ADAMTS16: variants seen among roughly 807,000 people sequenced by gnomAD.
ADAMTS16 encodes A disintegrin and metalloproteinase with thrombospondin motifs 16.
ADAMTS16 carries 94 observed loss-of-function variants against 145.8 expected under a neutral mutation model. The ratio of observed to expected loss-of-function variants is 0.64; its 90% confidence interval spans 0.55 to 0.77. The LOEUF (loss-of-function observed/expected upper bound fraction) is 0.77, where lower values mean the gene tolerates loss of function less well. Among genes scored for constraint, ADAMTS16 ranks in the 30% least tolerant of loss-of-function variants. ADAMTS16 has a pLI of 0.00. For synonymous variants in ADAMTS16, 659 were observed against 604.3 expected (o/e 1.09, Z -1.33); for missense variants, 1,585 against 1,591.5 (o/e 1.00, Z 0.07).
At chr5:5,141,156 C>T (rs1252062171) in intron 2 of ADAMTS16, among the ~76,000 whole-genome samples, 2 of 152,194 alleles carry the variant, frequency 1.3e-5, no homozygotes, top group African/African-American at 4.8e-5. Flanking sequence ...CCGTCCCCAA[C>T]CTTTCCTCCT....
intron 18 of ADAMTS16, among the ~76,000 whole-genome samples, chr5:5,291,702 G>T (rs1450627039): frequency 1.6e-5 from 2 of 123,302 alleles, no homozygotes; most frequent in Non-Finnish European, 3.1e-5. Context: ...GGCTGTCCTC[G>T]GGCAGTCAGC....
At chr5:5,192,158 A>G (rs1487468467) in intron 8 of ADAMTS16, among the ~76,000 whole-genome samples, 1 of 152,030 alleles carries the variant, frequency 6.6e-6, no homozygotes, top group Admixed American at 6.6e-5. Flanking sequence ...TAATTTTTGT[A>G]ATTTTTGGAG....
At position 5,182,170 on chromosome 5, in the gene ADAMTS16, G is replaced by A; in HGVS notation, c.628G>A (p.Glu210Lys). Residue 210 changes from glutamate to lysine, a missense_variant, in exon 4 of 23, where the codon GAG (glutamate) becomes AAG (lysine). Transcript: ENST00000274181. ...PSHVLYKRSTEPHAPGASEVL... is the reference protein window; with the variant it reads ...PSHVLYKRSTKPHAPGASEVL... ...CCACGTACTGTACAAGAGATCCACAGAGCCCCATGCTCCTGGGGCCAGTGA... is the reference window on the plus strand; with the variant it reads ...CCACGTACTGTACAAGAGATCCACAAAGCCCCATGCTCCTGGGGCCAGTGA... The A allele has an allele frequency of 6.2e-7, 1 of 1,614,162 alleles. No individual in the cohort carries two copies. The highest frequency in any genetic ancestry group is 8.5e-7 in the Non-Finnish European group (1 of 1,180,032).
chr5:5,293,092 C>T (rs539152385), intron 18 of ADAMTS16, among the ~76,000 whole-genome samples: 1 of 152,350 alleles, frequency 6.6e-6, no homozygotes, highest in African/African-American at 2.4e-5. Flanking sequence ...GGCACCTTGG[C>T]AGGCCATTTC....
At chr5:5,166,254 C>CAA (rs1734876257) in intron 3 of ADAMTS16, among the ~76,000 whole-genome samples, 1 of 151,830 alleles carries the variant, frequency 6.6e-6, no homozygotes. Flanking sequence ...CACACACACA[C>CAA]ACACACACAA....
At chr5:5,156,259 T>TGAGAGAATAACTACCA (rs68056165) in intron 3 of ADAMTS16, among the ~76,000 whole-genome samples, 11,711 of 152,128 alleles carry the variant, frequency 0.077, 667 homozygotes, top group African/African-American at 0.15. Context: ...CCCTAAGTAT[T>TGAGAGAATAACTACCA]GAGAGAATAA....
At chr5:5,189,928 C>G (rs1403853900) in intron 6 of ADAMTS16, 43 bp from the exon 7 acceptor site, 2 of 1,602,880 alleles carry the variant, frequency 1.2e-6, no homozygotes, top group Admixed American at 1.7e-5. Flanking sequence ...AACATGTTTT[C>G]TCTTCATTAT....
At chr5:5,281,929 T>C (rs1738930951) in intron 18 of ADAMTS16, among the ~76,000 whole-genome samples, 1 of 152,216 alleles carries the variant, frequency 6.6e-6, no homozygotes, top group East Asian at 1.9e-4. Context: ...TGAGTGGGTG[T>C]ATACAAAATA....
intron 3 of ADAMTS16, among the ~76,000 whole-genome samples, chr5:5,147,612 A>G (rs1286005420): frequency 6.6e-6 from 1 of 152,206 alleles, no homozygotes; most frequent in Non-Finnish European, 1.5e-5. Context: ...TTGAGTTGCC[A>G]GGGATAGGGT....
rs1738374039 is a variant in ADAMTS16, at chr5:5,269,256, G to T, written c.2789+6473G>T. ...CCCTCCCCTCACCAGCACCTGAGCT[G>T]CCTTGCTTCACCCTCGCTCCCCTAT... On this transcript the variant is annotated intron_variant, in intron 18 of 22. Coordinates refer to ENST00000274181, the MANE Select transcript of ADAMTS16 (RefSeq NM_139056.4). The surrounding 1 kb of genome is among the most constrained non-coding windows in gnomAD (Gnocchi z 4.3). 6.6e-6 allele frequency among the ~76,000 whole-genome samples: 1 copy of T among 152,040 alleles called. No individual in the cohort carries two copies. The highest frequency in any genetic ancestry group is 1.5e-5 in the Non-Finnish European group (1 of 68,024).
At chr5:5,200,389 G>A (rs528839876) in intron 9 of ADAMTS16, 120 bp downstream of exon 9, 2 of 1,328,358 alleles carry the variant, frequency 1.5e-6, no homozygotes, top group Non-Finnish European at 2.1e-6. Flanking sequence ...CCCTTTGAAG[G>A]TGTCTTGAGA....
chr5:5,279,752 A>T (rs578170111), intron 18 of ADAMTS16, among the ~76,000 whole-genome samples: 2 of 150,482 alleles, frequency 1.3e-5, no homozygotes, highest in Non-Finnish European at 3.0e-5. Flanking sequence ...TTTATACCTG[A>T]TTACCCTCCT....
intron 18 of ADAMTS16, among the ~76,000 whole-genome samples, chr5:5,263,192 C>A (rs1738097176): frequency 6.6e-6 from 1 of 152,176 alleles, no homozygotes; most frequent in African/African-American, 2.4e-5. Flanking sequence ...ACCCTGGATT[C>A]CTCAGTGCCT....
At position 5,146,325 on chromosome 5, in the gene ADAMTS16, T is replaced by A. The variant is rs1280623054; in HGVS notation, c.371T>A (p.Ile124Asn). 9 of 1,614,098 alleles carry A rather than the reference T, an allele frequency of 5.6e-6. No individual in the cohort carries two copies. The highest frequency in any genetic ancestry group is 7.6e-6 in the Non-Finnish European group (9 of 1,180,044). ...AGCAGCCTAGTGGCTCCTGGCTTTA[T>A]TGTGCAGACGTTGGGAAAGACAGGC... The part of the protein sequence containing the change: ...TSSSLVAPGF[I>N]VQTLGKTGTK... The change falls in exon 3 of 23, where the codon ATT (isoleucine) becomes AAT (asparagine). Residue 124 changes from isoleucine (I) to asparagine (N), a missense_variant. Ile to Asn is a moderately radical substitution (Grantham distance 149, BLOSUM62 -3). Coordinates refer to ENST00000274181, the MANE Select transcript of ADAMTS16 (RefSeq NM_139056.4).
chr5:5,146,474 C>A lies in ADAMTS16; in HGVS notation c.501+19C>A, dbSNP rs1459922939. On this transcript the variant is annotated intron_variant, in intron 3 of 22. Coordinates refer to ENST00000274181, the MANE Select transcript of ADAMTS16 (RefSeq NM_139056.4). ...AGGCTTGGTGAGTACAGCGCAAGCC[C>A]CAGGTAGGGAGGCGAGGTTGGTGAT... is the stretch of plus-strand genomic sequence containing the variant. 1.3e-6 allele frequency: 2 copies of A among 1,576,830 alleles called. No individual in the cohort carries two copies. Among genetic ancestry groups the A allele is most frequent in the Non-Finnish European group, 1.7e-6 (2 of 1,164,522 alleles).
intron 15 of ADAMTS16, 59 bp downstream of exon 15, chr5:5,239,333 T>C (rs532227290): frequency 6.7e-7 from 1 of 1,503,686 alleles, no homozygotes; most frequent in Admixed American, 2.4e-5. Flanking sequence ...CTGGGGCTTC[T>C]TAGCAGAGCT....
At chr5:5,239,532 T>C in intron 15 of ADAMTS16, 149 bp from the exon 16 acceptor site, 1 of 1,277,306 alleles carries the variant, frequency 7.8e-7, no homozygotes. Flanking sequence ...CCGGGTGTAG[T>C]TCTAAGGCAA....
Position 5,140,461 on chromosome 5 carries a change from C to T in ADAMTS16, c.-7C>T. 6.6e-7 allele frequency: 1 copy of T among 1,510,246 alleles called. No individual in the cohort carries two copies. The highest frequency in any genetic ancestry group is 8.8e-7 in the Non-Finnish European group (1 of 1,138,108). 93.6% of individuals were successfully genotyped at this position (1,510,246 alleles called of 1,614,324 possible). ...CGGTGGCCCCTAGCCCCTCGGAGCG[C>T]TCCTGGATGAAGCCCCGCGCGCGCG... On this transcript the variant is annotated 5_prime_UTR_variant, in exon 1 of 23. Coordinates refer to ENST00000274181, the MANE Select transcript of ADAMTS16 (RefSeq NM_139056.4).
Position 5,190,096 on chromosome 5 carries a change from A to T in ADAMTS16, c.1173A>T (p.Ile391=). The change falls in exon 7 of 23, where the codon ATA becomes ATT. Residue 391 remains isoleucine (I), a synonymous_variant. Transcript: ENST00000274181. ...CCATCTTACTGACTGGTCTGGATATATGTTCCTGGAAGAATGAGCCCTGTG... is the reference window on the plus strand; with the variant it reads ...CCATCTTACTGACTGGTCTGGATATTTGTTCCTGGAAGAATGAGCCCTGTG... ...DHAILLTGLD[I]CSWKNEPCDT... is the part of the protein sequence containing the mutation. 1 of 1,606,106 alleles carries T rather than the reference A, an allele frequency of 6.2e-7. No individual in the cohort carries two copies.
Sources: gnomAD v4.1 joint callset for allele counts (sites outside exome capture counted in the v4.1 genomes callset) on GRCh38, gnomAD v4.1.1 for gene constraint, Gnocchi (gnomAD v3.1) non-coding constraint, MANE v1.5 for transcripts, NCBI Gene and HGNC (gene_info 2026-07-23, HGNC 2026-07-21) for gene names.